PACRG: variants seen among roughly 807,000 people sequenced by gnomAD.
PACRG encodes parkin coregulated gene protein.
PACRG carries 29 observed loss-of-function variants against 29.7 expected under a neutral mutation model. That is an observed-to-expected ratio of 0.98 (90% CI 0.73 to 1.33). PACRG has a LOEUF of 1.33. Ranked by LOEUF, PACRG falls within the 40% of genes most tolerant of loss-of-function variation. The pLI is 0.00. For missense variants in PACRG, 279 were observed against 316.2 expected (o/e 0.88, Z 0.89); for synonymous variants, 116 against 118.7 (o/e 0.98, Z 0.15).
chr6:162,778,863 T>G (rs1479569489), intron 1 of PACRG, among the ~76,000 whole-genome samples: 1 of 152,212 alleles, frequency 6.6e-6, no homozygotes, highest in African/African-American at 2.4e-5. Flanking sequence ...CAACACTACT[T>G]TATTTTTATT....
intron 4 of PACRG, among the ~76,000 whole-genome samples, chr6:163,311,465 G>A (rs984496329): frequency 6.6e-6 from 1 of 151,992 alleles, no homozygotes; most frequent in Non-Finnish European, 1.5e-5. Context: ...TTCACGTGTC[G>A]CATGTATTTA....
At chr6:163,183,623 A>G (rs1026772315) in intron 4 of PACRG, 3 of 152,194 alleles carry the variant, frequency 2.0e-5, no homozygotes, top group African/African-American at 7.2e-5. Context: ...AAATTTCCCA[A>G]CCTTGATTTA....
chr6:163,177,842 T>C (rs1424084200), intron 4 of PACRG, among the ~76,000 whole-genome samples: 6 of 146,920 alleles, frequency 4.1e-5, no homozygotes, highest in African/African-American at 1.5e-4. Context: ...GCACACATGC[T>C]TCCAAACAGC....
intron 2 of PACRG, among the ~76,000 whole-genome samples, chr6:162,859,470 C>T (rs568242590): frequency 2.0e-5 from 3 of 152,106 alleles, no homozygotes; most frequent in Non-Finnish European, 4.4e-5. Flanking sequence ...TGAGGAGTAT[C>T]AGGGTTCAGA....
chr6:162,936,840 C>G (rs1211668211), intron 2 of PACRG, among the ~76,000 whole-genome samples: 1 of 151,334 alleles, frequency 6.6e-6, no homozygotes, highest in African/African-American at 2.4e-5. Flanking sequence ...GACCCATTTA[C>G]TTTCATGGTC....
chr6:163,042,568 CTACTT>C (rs1398979526), intron 2 of PACRG: 6 of 152,216 alleles, frequency 3.9e-5, no homozygotes, highest in South Asian at 2.1e-4. Context: ...TTTTAAAACT[CTACTT>C]TATTATTATG....
intron 4 of PACRG, among the ~76,000 whole-genome samples, chr6:163,128,956 A>G (rs1490110617): frequency 1.3e-5 from 2 of 152,190 alleles, no homozygotes; most frequent in Admixed American, 6.5e-5. Context: ...GTAGAAACCT[A>G]GGTGGTATGT....
Position 162,884,592 on chromosome 6 carries a change from T to A in PACRG, c.291+70311T>A, listed in dbSNP as rs372080405. Among the ~76,000 whole-genome samples the A allele has an allele frequency of 1.4e-4, 21 of 152,308 alleles. 1 individual carries two copies. The highest frequency in any genetic ancestry group is 4.8e-4 in the African/African-American group (20 of 41,560). ...TTCCTAACAAATTTTTTTAAAAAAA[T>A]TAAGCAACTTATGACTACTTCATGA... On this transcript the variant is annotated intron_variant, in intron 2 of 4. Transcript: ENST00000366888.
chr6:162,835,385 C>G (rs1246774985), intron 2 of PACRG, among the ~76,000 whole-genome samples: 2 of 152,074 alleles, frequency 1.3e-5, no homozygotes, highest in Admixed American at 6.6e-5. Flanking sequence ...TCTCCCTACT[C>G]TTTTTATTGC....
chr6:162,870,779 T>C (rs1163847927), intron 2 of PACRG, among the ~76,000 whole-genome samples: 2 of 152,220 alleles, frequency 1.3e-5, no homozygotes, highest in Non-Finnish European at 2.9e-5. Flanking sequence ...AAATTTCTGA[T>C]ATAATAAAGG....
chr6:163,245,496 G>A (rs922919985), intron 4 of PACRG, among the ~76,000 whole-genome samples: 2 of 152,164 alleles, frequency 1.3e-5, no homozygotes, highest in Non-Finnish European at 2.9e-5. Flanking sequence ...AGAGCCGCAC[G>A]TTAATATGGT....
intron 4 of PACRG, among the ~76,000 whole-genome samples, chr6:163,303,712 C>T (rs1048901714): frequency 7.2e-5 from 11 of 151,868 alleles, no homozygotes; most frequent in African/African-American, 2.4e-4. Context: ...GCAAAAGCTG[C>T]TAAAAAGTAA....
chr6:163,113,172 A>T (rs906836570), intron 4 of PACRG, among the ~76,000 whole-genome samples: 5 of 152,230 alleles, frequency 3.3e-5, no homozygotes, highest in African/African-American at 1.2e-4. Context: ...GAATTTAAAG[A>T]TAACACAATA....
At chr6:163,192,304 T>C (rs1306883228) in intron 4 of PACRG, among the ~76,000 whole-genome samples, 1 of 152,228 alleles carries the variant, frequency 6.6e-6, no homozygotes, top group African/African-American at 2.4e-5. Context: ...TTGTTGACTG[T>C]TTTGTATGGT....
intron 2 of PACRG, among the ~76,000 whole-genome samples, chr6:162,956,462 A>G (rs1404281192): frequency 6.6e-6 from 1 of 152,206 alleles, no homozygotes; most frequent in Admixed American, 6.5e-5. Flanking sequence ...TTTGTTTCCC[A>G]GGGCTGCTGT....
chr6:163,136,783 G>C (rs1011677080), intron 4 of PACRG, among the ~76,000 whole-genome samples: 1 of 152,108 alleles, frequency 6.6e-6, no homozygotes, highest in Non-Finnish European at 1.5e-5. Context: ...TATACACTTG[G>C]TTTTGAATAA....
intron 1 of PACRG, among the ~76,000 whole-genome samples, chr6:162,800,605 A>T (rs918257110): frequency 5.3e-5 from 8 of 152,206 alleles, no homozygotes; most frequent in Admixed American, 2.6e-4. Context: ...GATAGATGTT[A>T]AGTAATAGAG....
intron 2 of PACRG, among the ~76,000 whole-genome samples, chr6:162,971,845 G>A (rs1801556537): frequency 6.6e-6 from 1 of 152,190 alleles, no homozygotes; most frequent in East Asian, 1.9e-4. Context: ...CTTTCCCTGA[G>A]TGTTCCTGCA....
intron 4 of PACRG, among the ~76,000 whole-genome samples, chr6:163,178,832 G>A (rs1779511966): frequency 6.6e-6 from 1 of 152,136 alleles, no homozygotes; most frequent in Admixed American, 6.5e-5. Flanking sequence ...CATTCTGTAG[G>A]CACTGATGGT....
Sources: allele counts gnomAD v4.1 joint callset (sites outside exome capture counted in the v4.1 genomes callset), GRCh38; gene constraint gnomAD v4.1.1; transcripts MANE v1.5; gene names NCBI Gene and HGNC (gene_info 2026-07-23, HGNC 2026-07-21).